The following HABP2 variants were observed in gnomAD, a reference collection of about 807,000 sequenced individuals.
The protein encoded by HABP2 is factor VII-activating protease.
A neutral mutation model predicts 66.5 loss-of-function variants in HABP2; 65 were observed. That is an observed-to-expected ratio of 0.98 (90% CI 0.80 to 1.20). HABP2 has a LOEUF of 1.20. Ranked by LOEUF, HABP2 falls within the 50% of genes most tolerant of loss-of-function variation. HABP2 has a pLI of 0.00. For synonymous variants in HABP2, 263 were observed against 253.9 expected, an observed-to-expected ratio of 1.04 and a Z score of -0.34; for missense variants, 786 against 691.0, an observed-to-expected ratio of 1.14 and a Z score of -1.54.
intron 1 of HABP2, among the ~76,000 whole-genome samples, chr10:113,566,311 A>G (rs959957481): frequency 1.3e-5 from 2 of 152,262 alleles, no homozygotes; most frequent in African/African-American, 4.8e-5. Flanking sequence ...GTTGTTTTCC[A>G]ATAAAACTTT....
chr10:113,577,920 G>T, intron 5 of HABP2, 106 bp from the exon 6 acceptor site: 1 of 1,373,522 alleles, frequency 7.3e-7, no homozygotes, highest in East Asian at 2.3e-5. Context: ...CATCTTTCGC[G>T]AAAGGATGGA....
Position 113,588,280 on chromosome 10 carries a change from G to A in HABP2, c.1594G>A (p.Glu532Lys). The change falls in exon 13 of 13, where the codon GAG (glutamate) becomes AAG (lysine). Residue 532 changes from glutamate (E) to lysine (K), a missense_variant. Physicochemically the swap from Glu to Lys is moderately conservative, Grantham distance 56. Coordinates refer to ENST00000351270, the MANE Select transcript of HABP2 (RefSeq NM_004132.5). ...YVYGIVSWGL[E>K]CGKRPGVYTQ... is the part of the protein sequence containing the mutation. ...CTATGGGATAGTGAGCTGGGGCCTG[G>A]AGTGTGGGAAGAGGCCAGGGGTCTA... 6.2e-7 allele frequency: 1 copy of A among 1,613,462 alleles called. No homozygotes were observed. The highest frequency in any genetic ancestry group is 8.5e-7 in the Non-Finnish European group (1 of 1,179,552).
At position 113,577,543 on chromosome 10, in the gene HABP2, G is replaced by A. The variant is rs916200785; in HGVS notation, c.448+277G>A. Among the ~76,000 whole-genome samples, 6 of 152,220 alleles carry A rather than the reference G, an allele frequency of 3.9e-5. No individual in the cohort carries two copies. In the South Asian group the frequency reaches 1.2e-3, roughly 31 times the overall value. On this transcript the variant is annotated intron_variant, in intron 5 of 12. Transcript: ENST00000351270. Reference sequence around the variant, plus strand: ...TATTCCTGAGAGGGACCAAGTAGGGGAATGAATACATATCGAGTCCCTGCT... The same window carrying A: ...TATTCCTGAGAGGGACCAAGTAGGGAAATGAATACATATCGAGTCCCTGCT...
intron 8 of HABP2, 32 bp downstream of exon 8, chr10:113,580,724 G>C (rs751598862): frequency 8.7e-7 from 1 of 1,149,856 alleles, no homozygotes; most frequent in Non-Finnish European, 1.3e-6. Context: ...AAGCCCAGGG[G>C]GTGGGGGGGA....
intron 1 of HABP2, among the ~76,000 whole-genome samples, chr10:113,555,781 A>G (rs1342043888): frequency 2.0e-5 from 3 of 152,210 alleles, no homozygotes; most frequent in African/African-American, 7.2e-5. Context: ...ATACAAACCC[A>G]GAGATGTTAA....
Position 113,585,808 on chromosome 10 carries a change from AG to A in HABP2, c.1389del (p.Gln463HisfsTer9). The A allele has an allele frequency of 6.2e-7, 1 of 1,613,862 alleles. No homozygotes were observed. Among genetic ancestry groups the A allele is most frequent in the Non-Finnish European group, 8.5e-7 (1 of 1,179,718 alleles). ...GVTETGKGSRQLLDAKVKLIA... is the reference protein window; with the variant it reads ...GVTETGKGSRXLLDAKVKLIA... ...TTCCCCACAGGAAAAGGGTCCCGCC[AG>A]CTCCTGGATGCCAAAGTCAAGCTGA... On this transcript the variant is annotated frameshift_variant, in exon 12 of 13. Coordinates refer to ENST00000351270, the MANE Select transcript of HABP2 (RefSeq NM_004132.5). LOFTEE classifies it high-confidence loss of function.
chr10:113,556,804 C>A, intron 1 of HABP2, among the ~76,000 whole-genome samples: 1 of 105,118 alleles, frequency 9.5e-6, no homozygotes, highest in South Asian at 3.4e-4. Context: ...TTCTTTTATT[C>A]TTTTTTTTTT....
chr10:113,581,759 C>T (rs1845537989), intron 8 of HABP2, 117 bp from the exon 9 acceptor site: 4 of 962,246 alleles, frequency 4.2e-6, no homozygotes, highest in Non-Finnish European at 6.5e-6. Context: ...CCAGTGCAGT[C>T]TCTCAGCTCT....
rs142929241 is a variant in HABP2, at chr10:113,588,989, C to A, written c.*620C>A. 3 of 1,613,532 alleles carry A rather than the reference C, an allele frequency of 1.9e-6. No individual in the cohort carries two copies. Among genetic ancestry groups the A allele is most frequent in the Non-Finnish European group, 1.7e-6 (2 of 1,179,510 alleles). On this transcript the variant is annotated 3_prime_UTR_variant, in exon 13 of 13. Transcript: ENST00000351270. ...GTGGACATGGCTCACAACAGCAGGG[C>A]CTTCTTCTTTTTGACGTGCAGAATC...
In HABP2 at chr10:113,589,355, T is replaced by C. The variant is rs962347962; in HGVS notation, c.*986T>C. On this transcript the variant is annotated 3_prime_UTR_variant, in exon 13 of 13. Coordinates refer to ENST00000351270, the MANE Select transcript of HABP2 (RefSeq NM_004132.5). Reference sequence around the variant, plus strand: ...TATCCAGCGAGTCCCTGACCCTTTCTGCGAATGTAACGAGCAAGCAGTCAG... The same window carrying C: ...TATCCAGCGAGTCCCTGACCCTTTCCGCGAATGTAACGAGCAAGCAGTCAG... The C allele has an allele frequency of 1.6e-5, 9 of 563,352 alleles. No individual in the cohort carries two copies. Among genetic ancestry groups the C allele is most frequent in the Non-Finnish European group, 2.2e-5 (7 of 319,254 alleles). The allele number at this position is 563,352 out of a possible 1,614,324, so 34.9% of individuals were successfully genotyped here. A position where few individuals can be genotyped will look rare whatever the true frequency, so the allele number is the denominator to read the frequency against.
upstream of HABP2, among the ~76,000 whole-genome samples, chr10:113,552,573 A>T (rs1844917215): frequency 1.3e-5 from 2 of 152,244 alleles, no homozygotes. Context: ...GCAACACTTC[A>T]AAGGGCCCAG....
chr10:113,568,090 C>G (rs879912177), intron 2 of HABP2, among the ~76,000 whole-genome samples: 1 of 152,234 alleles, frequency 6.6e-6, no homozygotes, highest in East Asian at 1.9e-4. Context: ...CTCACAGACT[C>G]GCTCTCTTAT....
chr10:113,556,213 A>G (rs552508593), intron 1 of HABP2, among the ~76,000 whole-genome samples: 34 of 152,332 alleles, frequency 2.2e-4, no homozygotes, highest in Non-Finnish European at 4.4e-4. Context: ...CTCACAGCTC[A>G]AGTTTAACTT....
At chr10:113,587,894 A>G (rs779216792) in intron 12 of HABP2, among the ~76,000 whole-genome samples, 7 of 151,754 alleles carry the variant, frequency 4.6e-5, no homozygotes, top group East Asian at 1.9e-4. Context: ...CTCCTCCCCT[A>G]TGTGTGCTGA....
intron 8 of HABP2, among the ~76,000 whole-genome samples, chr10:113,580,973 G>C (rs907885399): frequency 3.9e-5 from 6 of 152,200 alleles, no homozygotes; most frequent in Admixed American, 1.3e-4. Flanking sequence ...ATCTCTTGCT[G>C]TTTGCCAGCC....
chr10:113,578,831 T>G (rs187604455), intron 7 of HABP2, 33 bp downstream of exon 7: 11 of 1,471,798 alleles, frequency 7.5e-6, no homozygotes, highest in Middle Eastern at 3.5e-4. Context: ...TCAGTTGATT[T>G]TGGTCACTTA....
intron 12 of HABP2, 32 bp from the exon 13 acceptor site, chr10:113,588,173 C>A: frequency 6.4e-7 from 1 of 1,553,976 alleles, no homozygotes; most frequent in Non-Finnish European, 8.7e-7. Flanking sequence ...CTCTGGTTCA[C>A]GAGGATGAGC....
intron 8 of HABP2, among the ~76,000 whole-genome samples, chr10:113,581,551 G>A (rs1242362687): frequency 6.6e-6 from 1 of 152,230 alleles, no homozygotes; most frequent in African/African-American, 2.4e-5. Context: ...GCTTTGTCAA[G>A]GTGAAGTACA....
chr10:113,574,947 A>C (rs1845382344), intron 3 of HABP2, among the ~76,000 whole-genome samples: 1 of 151,652 alleles, frequency 6.6e-6, no homozygotes, highest in Non-Finnish European at 1.5e-5. Context: ...GTATGTGTGC[A>C]TATGTGTGTG....
Sources: allele counts gnomAD v4.1 joint callset (sites outside exome capture counted in the v4.1 genomes callset), GRCh38; gene constraint gnomAD v4.1.1; transcripts MANE v1.5; gene names NCBI Gene and HGNC (gene_info 2026-07-23, HGNC 2026-07-21).